CPVL: variants seen among roughly 807,000 people sequenced by gnomAD.
CPVL encodes probable serine carboxypeptidase CPVL.
In CPVL, 51 loss-of-function variants were observed where a neutral mutation model predicts 63.7. The observed-to-expected ratio is 0.80, with a 90% CI of 0.64 to 1.01. The LOEUF (loss-of-function observed/expected upper bound fraction) is 1.01, where lower values mean the gene tolerates loss of function less well. Among genes scored for constraint, CPVL ranks in the 50% least tolerant of loss-of-function variants. The pLI, the probability that CPVL is intolerant of heterozygous loss-of-function variation, is 0.00. For synonymous variants in CPVL, 195 were observed against 206.0 expected (o/e 0.95, Z 0.46); for missense variants, 530 against 573.1 (o/e 0.92, Z 0.77).
In CPVL at chr7:29,054,490, T is replaced by C. The variant is rs146491867; in HGVS notation, c.1137+9571A>G. Among the ~76,000 whole-genome samples the C allele has an allele frequency of 1.1e-4, 17 of 152,344 alleles. No individual in the cohort carries two copies. In the East Asian group the frequency reaches 3.1e-3, roughly 28 times the overall value. ...ACTGACAAGTCTGTCAGTCTGATTG[T>C]CCTCCTTTTGTAGATGGCCTGCCTT... On this transcript the variant is annotated intron_variant, in intron 11 of 12. Coordinates refer to ENST00000265394, the MANE Select transcript of CPVL (RefSeq NM_031311.5).
At chr7:29,132,186 G>C (rs142429992) in intron 1 of CPVL, among the ~76,000 whole-genome samples, 45 of 152,260 alleles carry the variant, frequency 3.0e-4, no homozygotes, top group Middle Eastern at 6.8e-3. Context: ...AGGAAGAAGA[G>C]AGTTCCTGGC....
intron 11 of CPVL, among the ~76,000 whole-genome samples, chr7:29,062,087 G>C (rs1366109563): frequency 3.9e-5 from 6 of 151,998 alleles, no homozygotes; most frequent in African/African-American, 1.5e-4. Context: ...TCATCTTTAA[G>C]ACATGAACGC....
intron 12 of CPVL, 40 bp downstream of exon 12, chr7:29,030,536 TC>T: frequency 6.3e-7 from 1 of 1,580,130 alleles, no homozygotes; most frequent in Non-Finnish European, 8.6e-7. Context: ...AATCCCGCTC[TC>T]CCATTCCCAC....
At chr7:29,052,472 T>C (rs1267845631) in intron 11 of CPVL, among the ~76,000 whole-genome samples, 1 of 139,360 alleles carries the variant, frequency 7.2e-6, no homozygotes, top group Admixed American at 7.0e-5. Flanking sequence ...ACCAAAAGCA[T>C]AAATGATGAA....
At chr7:29,018,156 T>C (rs370263475) in intron 12 of CPVL, among the ~76,000 whole-genome samples, 160 of 152,248 alleles carry the variant, frequency 1.1e-3, no homozygotes, top group African/African-American at 3.6e-3. Context: ...CTACACCCAG[T>C]AAGATTCGGT....
chr7:29,030,838 G>C, intron 11 of CPVL, 79 bp from the exon 12 acceptor site: 1 of 1,167,174 alleles, frequency 8.6e-7, no homozygotes, highest in East Asian at 2.6e-5. Context: ...TAAATAGTGA[G>C]CCAGTGAGAG....
At chr7:29,018,659 G>A (rs767360119) in intron 12 of CPVL, among the ~76,000 whole-genome samples, 1 of 152,118 alleles carries the variant, frequency 6.6e-6, no homozygotes, top group Non-Finnish European at 1.5e-5. Flanking sequence ...GATTACAGGC[G>A]TCAGCAACCC....
intron 10 of CPVL, among the ~76,000 whole-genome samples, chr7:29,064,939 CGCA>C (rs1207838673): frequency 2.6e-5 from 4 of 150,994 alleles, no homozygotes; most frequent in Non-Finnish European, 4.4e-5. Context: ...TAAAAAAAAC[CGCA>C]CACACACACA....
At chr7:29,013,842 C>T (rs922692470) in intron 12 of CPVL, among the ~76,000 whole-genome samples, 11 of 152,238 alleles carry the variant, frequency 7.2e-5, no homozygotes, top group Non-Finnish European at 1.3e-4. Flanking sequence ...GATGACCTTC[C>T]TGGGGCAGCC....
intron 7 of CPVL, among the ~76,000 whole-genome samples, chr7:29,083,044 T>C (rs772324242): frequency 6.6e-6 from 1 of 152,096 alleles, no homozygotes; most frequent in Non-Finnish European, 1.5e-5. Context: ...CAGGCAGAAA[T>C]TACCAGGAGA....
chr7:29,189,249 G>A (rs1584652748), intron 1 of CPVL, among the ~76,000 whole-genome samples: 1 of 152,092 alleles, frequency 6.6e-6, no homozygotes, highest in Admixed American at 6.6e-5. Context: ...ACCGCGCCCA[G>A]CCAGTTTCCC....
At chr7:29,121,608 G>A (rs1242465725) in intron 1 of CPVL, among the ~76,000 whole-genome samples, 1 of 152,168 alleles carries the variant, frequency 6.6e-6, no homozygotes, top group Non-Finnish European at 1.5e-5. Flanking sequence ...ATTTCAGGCC[G>A]AAAGATCACA....
At chr7:29,031,880 T>C (rs1393874949) in intron 11 of CPVL, among the ~76,000 whole-genome samples, 1 of 152,168 alleles carries the variant, frequency 6.6e-6, no homozygotes, top group African/African-American at 2.4e-5. Context: ...TCAAGTATAA[T>C]GTATATCACA....
intron 1 of CPVL, 191 bp downstream of exon 1, chr7:29,146,238 C>T (rs111863920): frequency 0.053 from 11,202 of 212,008 alleles, 377 homozygotes; most frequent in Middle Eastern, 0.081. Flanking sequence ...GCAGTACATC[C>T]CCAATGCTCC....
At chr7:29,189,097 C>T (rs1245880385) in intron 1 of CPVL, among the ~76,000 whole-genome samples, 1 of 151,866 alleles carries the variant, frequency 6.6e-6, no homozygotes, top group African/African-American at 2.4e-5. Context: ...ATTACAGGCG[C>T]ACACCATCAC....
chr7:29,107,102 C>T (rs889902291), intron 3 of CPVL, among the ~76,000 whole-genome samples: 5 of 152,202 alleles, frequency 3.3e-5, no homozygotes, highest in South Asian at 2.1e-4. Flanking sequence ...GTTTGAGTGC[C>T]CTCCCAACAT....
intron 1 of CPVL, chr7:29,192,042 A>C (rs1782954319): frequency 6.6e-6 from 1 of 152,256 alleles, no homozygotes; most frequent in Admixed American, 6.5e-5. Context: ...ATGATCAATC[A>C]ACTTTCAGAT....
chr7:29,188,086 A>G (rs573427394), intron 1 of CPVL, among the ~76,000 whole-genome samples: 34 of 152,304 alleles, frequency 2.2e-4, no homozygotes, highest in African/African-American at 7.7e-4. Context: ...GATGAAAATT[A>G]CTTTTGCATC....
intron 2 of CPVL, among the ~76,000 whole-genome samples, chr7:29,119,671 C>T (rs566615495): frequency 2.6e-5 from 4 of 152,194 alleles, no homozygotes; most frequent in South Asian, 4.1e-4. Flanking sequence ...TTTCACGTGC[C>T]TTATCTCATT....
Sources: allele counts gnomAD v4.1 joint callset (sites outside exome capture counted in the v4.1 genomes callset), GRCh38; gene constraint gnomAD v4.1.1; transcripts MANE v1.5; gene names NCBI Gene and HGNC (gene_info 2026-07-23, HGNC 2026-07-21).